Variants in ORC5 observed in about 807,000 individuals in gnomAD.
The protein encoded by ORC5 is origin recognition complex subunit 5, also known as protein phosphatase 1, regulatory subunit 117.
A neutral mutation model predicts 58.8 loss-of-function variants in ORC5; 39 were observed. That is an observed-to-expected ratio of 0.66 (90% CI 0.51 to 0.87). The LOEUF (loss-of-function observed/expected upper bound fraction) is 0.87. Among genes scored for constraint, ORC5 ranks in the 40% least tolerant of loss-of-function variants. The pLI is 0.00. For missense variants in ORC5, 493 were observed against 506.3 expected (o/e 0.97, Z 0.25); for synonymous variants, 218 against 177.6 (o/e 1.23, Z -1.81).
intron 11 of ORC5, among the ~76,000 whole-genome samples, chr7:104,162,050 A>T (rs931632054): frequency 1.1e-4 from 16 of 152,190 alleles, no homozygotes; most frequent in African/African-American, 1.9e-4. Context: ...ATTTAAAAAA[A>T]TTTTTTCAAT....
Position 104,136,824 on chromosome 7 carries a change from A to AC in ORC5, c.1218_1219insG (p.Tyr407ValfsTer20). The AC allele has an allele frequency of 6.2e-7, 1 of 1,613,956 alleles. No individual in the cohort carries two copies. The highest frequency in any genetic ancestry group is 8.5e-7 in the Non-Finnish European group (1 of 1,179,818). On this transcript the variant is annotated frameshift_variant, in exon 13 of 14. Transcript: ENST00000297431. LOFTEE classifies it high-confidence loss of function. The surrounding 1 kb of genome is among the most constrained non-coding windows in gnomAD (Gnocchi z 4.2). ...AAGTCTAGAGACACTGTGCATTTGT[A>AC]TTTTGGTCCATCAAGCTGATCGTCA...
chr7:104,184,167 A>C lies in ORC5; in HGVS notation c.689T>G (p.Val230Gly), dbSNP rs1435709580. The C allele has an allele frequency of 6.4e-7, 1 of 1,557,290 alleles. No homozygotes were observed. The highest frequency in any genetic ancestry group is 8.8e-7 in the Non-Finnish European group (1 of 1,141,594). The change falls in exon 7 of 14, where the codon GTA becomes GGA. Residue 230 changes from valine to glycine, a missense_variant. This residue lies in a region of ORC5 where 412 missense variants were observed against 403.7 expected (regional missense o/e 1.02). Coordinates refer to ENST00000297431, the MANE Select transcript of ORC5 (RefSeq NM_002553.4). ...RDLKELRHLA[V>G]LNFPKYCEPV... is the part of the protein sequence containing the mutation. ...TTCACAATATTTAGGAAAATTAAGTACTGCCTGTAAGTAAAGAAAAAAAAA... is the reference window on the plus strand; with the variant it reads ...TTCACAATATTTAGGAAAATTAAGTCCTGCCTGTAAGTAAAGAAAAAAAAA...
chr7:104,131,445 T>C (rs1798510590), intron 13 of ORC5, among the ~76,000 whole-genome samples: 2 of 152,226 alleles, frequency 1.3e-5, no homozygotes, highest in Admixed American at 1.3e-4. Context: ...CCATTTTGTA[T>C]CATTAACTCT....
intron 12 of ORC5, among the ~76,000 whole-genome samples, chr7:104,160,231 TAA>T (rs1799000016): frequency 6.6e-6 from 1 of 152,198 alleles, no homozygotes; most frequent in African/African-American, 2.4e-5. Context: ...AATGAAAAAT[TAA>T]AAGTTACCAG....
chr7:104,150,995 C>T (rs1798836501), intron 12 of ORC5, among the ~76,000 whole-genome samples: 1 of 151,884 alleles, frequency 6.6e-6, no homozygotes, highest in Non-Finnish European at 1.5e-5. Flanking sequence ...GACCATGATG[C>T]GTAAAAAGAG....
chr7:104,130,616 C>T (rs567915558), intron 13 of ORC5, among the ~76,000 whole-genome samples: 2 of 152,310 alleles, frequency 1.3e-5, no homozygotes, highest in South Asian at 4.1e-4. Context: ...CAACCCAAGA[C>T]CTGCGTCAGC....
At chr7:104,145,472 A>C (rs1210494569) in intron 12 of ORC5, among the ~76,000 whole-genome samples, 1 of 152,198 alleles carries the variant, frequency 6.6e-6, no homozygotes, top group Non-Finnish European at 1.5e-5. Flanking sequence ...AACATTCTGT[A>C]ATCTTTTTTT....
chr7:104,131,092 C>A (rs1798506116), intron 13 of ORC5, among the ~76,000 whole-genome samples: 1 of 152,204 alleles, frequency 6.6e-6, no homozygotes, highest in South Asian at 2.1e-4. Flanking sequence ...AATTCAAGGT[C>A]AAAAACCTCA....
At chr7:104,164,222 C>A (rs976014075) in intron 11 of ORC5, among the ~76,000 whole-genome samples, 8 of 152,110 alleles carry the variant, frequency 5.3e-5, no homozygotes, top group Admixed American at 4.6e-4. Flanking sequence ...CCTCGAACTC[C>A]TGGGCTTAGA....
rs144298260 is a variant in ORC5 at position 104,134,791 on chromosome 7, A to T, written c.1262+1990T>A. On this transcript the variant is annotated intron_variant, in intron 13 of 13. Transcript: ENST00000297431. ...TTAGGAGAATAATAATTCCTAAGGCACATGGGAGGGAGGGAAAGAATGAAA... is the reference window on the plus strand; with the variant it reads ...TTAGGAGAATAATAATTCCTAAGGCTCATGGGAGGGAGGGAAAGAATGAAA... 3.9e-4 allele frequency among the ~76,000 whole-genome samples: 59 copies of T among 152,312 alleles called. No individual in the cohort carries two copies. In the East Asian group the frequency reaches 7.5e-3, roughly 19 times the overall value.
rs1799924980 is a variant in ORC5, at chr7:104,200,890, G to C, written c.234C>G (p.Asn78Lys). 6.2e-7 allele frequency: 1 copy of C among 1,613,480 alleles called. No homozygotes were observed. Among genetic ancestry groups the C allele is most frequent in the African/African-American group, 1.3e-5 (1 of 75,028 alleles). Residue 78 changes from asparagine (N) to lysine (K), a missense_variant, in exon 3 of 14, where the codon AAC becomes AAG. By Grantham distance (94) the Asn-to-Lys change is moderately conservative. Around this residue, in one of 3 missense-constraint regions of ORC5, gnomAD observed 412 missense variants for 403.7 expected, o/e 1.02. Transcript: ENST00000297431. ...TLRLLLEQIL[N>K]KLNHLSSSED... is the part of the protein sequence containing the mutation. ...CTGAAGAACTAAGATGATTCAATTT[G>C]TTTAAAATTTGTTCCAAAAGCAGCC...
At chr7:104,197,472 TC>T (rs1446046731) in intron 4 of ORC5, among the ~76,000 whole-genome samples, 1 of 152,174 alleles carries the variant, frequency 6.6e-6, no homozygotes, top group Non-Finnish European at 1.5e-5. Flanking sequence ...TCTAGCAACA[TC>T]TAAAACTTTT....
chr7:104,146,231 C>A (rs1188249193), intron 12 of ORC5, among the ~76,000 whole-genome samples: 2 of 152,192 alleles, frequency 1.3e-5, no homozygotes, highest in Non-Finnish European at 2.9e-5. Flanking sequence ...ATGGTTTCCA[C>A]ACTTCACTTG....
At chr7:104,142,862 A>G (rs1001308793) in intron 12 of ORC5, among the ~76,000 whole-genome samples, 3 of 152,206 alleles carry the variant, frequency 2.0e-5, no homozygotes, top group Non-Finnish European at 4.4e-5. Context: ...TGGACAGCCA[A>G]GGGATCCAGG....
intron 8 of ORC5, among the ~76,000 whole-genome samples, chr7:104,172,305 A>G (rs1407159634): frequency 6.6e-6 from 1 of 152,230 alleles, no homozygotes; most frequent in Non-Finnish European, 1.5e-5. Flanking sequence ...TTAACAAGCA[A>G]ACAAGTTTTC....
At chr7:104,146,485 G>T (rs1276250386) in intron 12 of ORC5, among the ~76,000 whole-genome samples, 2 of 152,174 alleles carry the variant, frequency 1.3e-5, no homozygotes, top group African/African-American at 4.8e-5. Context: ...TAATTAAAAT[G>T]AATGAACTAT....
At chr7:104,177,607 A>C (rs897446782) in intron 8 of ORC5, among the ~76,000 whole-genome samples, 35 of 152,180 alleles carry the variant, frequency 2.3e-4, no homozygotes, top group African/African-American at 8.0e-4. Context: ...CACGTGCAGA[A>C]CGTGCAGGTT....
rs951957102 is a variant in ORC5, at chr7:104,175,593, A to C, written c.825-7068T>G. On this transcript the variant is annotated intron_variant, in intron 8 of 13. Coordinates refer to ENST00000297431, the MANE Select transcript of ORC5 (RefSeq NM_002553.4). ...GTTAATTTAAGAGTTGGATGTTCTAAAAGAAAAGAAGAGATCAATGTTTAT... is the reference window on the plus strand; with the variant it reads ...GTTAATTTAAGAGTTGGATGTTCTACAAGAAAAGAAGAGATCAATGTTTAT... 2.0e-5 allele frequency among the ~76,000 whole-genome samples: 3 copies of C among 152,204 alleles called. No individual in the cohort carries two copies. The South Asian group carries it at 6.2e-4, about 31-fold the overall frequency.
chr7:104,129,685 T>A lies in ORC5; in HGVS notation c.1263-2792A>T, dbSNP rs1386840299. ...TTACAAGAGAATTGTGTAATTTGCA[T>A]GGATGTTCCCTGGCTTTCCATGGTC... On this transcript the variant is annotated intron_variant, in intron 13 of 13. Transcript: ENST00000297431. The surrounding 1 kb of genome is among the most constrained non-coding windows in gnomAD (Gnocchi z 4.9). Among the ~76,000 whole-genome samples, 2 of 152,234 alleles carry A rather than the reference T, an allele frequency of 1.3e-5. No homozygotes were observed. Among genetic ancestry groups the A allele is most frequent in the Admixed American group, 6.5e-5 (1 of 15,288 alleles).
Sources: allele counts gnomAD v4.1 joint callset (sites outside exome capture counted in the v4.1 genomes callset), GRCh38; gene constraint gnomAD v4.1.1; regional missense constraint gnomAD v4.1.1; non-coding constraint Gnocchi (gnomAD v3.1); transcripts MANE v1.5; gene names NCBI Gene and HGNC (gene_info 2026-07-23, HGNC 2026-07-21).